The following CEP57L1 variants were observed in gnomAD, a reference collection of about 807,000 sequenced individuals.
CEP57L1 encodes the protein centrosomal protein CEP57L1.
A neutral mutation model predicts 61.0 loss-of-function variants in CEP57L1; 37 were observed. The ratio of observed to expected loss-of-function variants is 0.61; its 90% CI spans 0.47 to 0.80. The LOEUF (loss-of-function observed/expected upper bound fraction) is 0.80, where lower values mean the gene tolerates loss of function less well. Ranked by LOEUF, CEP57L1 falls within the 30% of genes least tolerant of loss-of-function variation. The pLI is 0.00. For missense variants in CEP57L1, 422 were observed against 524.7 expected (o/e 0.80, Z 1.91); for synonymous variants, 137 against 162.3 (o/e 0.84, Z 1.19).
Position 109,105,744 on chromosome 6 carries a change from T to A in CEP57L1, c.-4+10169T>A, listed in dbSNP as rs184392995. Among the ~76,000 whole-genome samples the A allele has an allele frequency of 6.0e-3, 908 of 152,340 alleles. 5 individuals carry two copies. The highest frequency in any genetic ancestry group is 0.011 in the Non-Finnish European group (723 of 68,026). ...CATTTTCTAGATAGATTATCTAGAT[T>A]AGGGATCCCCAACCCTCGGGCCATG... On this transcript the variant is annotated intron_variant, in intron 1 of 10. Coordinates refer to ENST00000517392, the MANE Select transcript of CEP57L1 (RefSeq NM_001271852.3).
intron 1 of CEP57L1, among the ~76,000 whole-genome samples, chr6:109,115,364 C>G (rs1317262112): frequency 6.6e-6 from 1 of 151,744 alleles, no homozygotes; most frequent in African/African-American, 2.4e-5. Flanking sequence ...GAAAACAATT[C>G]TAGTAGTTGT....
In CEP57L1 at chr6:109,166,177, A is replaced by T. The variant is rs1053843233; in HGVS notation, c.*3207A>T. ...ACAGGAGGGTCAGAGGGAAATGTTCAGTTTTCAACAATGTAAGATTAAAGT... is the reference window on the plus strand; with the variant it reads ...ACAGGAGGGTCAGAGGGAAATGTTCTGTTTTCAACAATGTAAGATTAAAGT... On this transcript the variant is annotated 3_prime_UTR_variant, in exon 11 of 11. Coordinates refer to ENST00000517392, the MANE Select transcript of CEP57L1 (RefSeq NM_001271852.3). Among the ~76,000 whole-genome samples, 1 of 152,190 alleles carries T rather than the reference A, an allele frequency of 6.6e-6. No homozygotes were observed. Among genetic ancestry groups the T allele is most frequent in the African/African-American group, 2.4e-5 (1 of 41,446 alleles).
At chr6:109,162,498 A>G (rs1366795787) in intron 10 of CEP57L1, among the ~76,000 whole-genome samples, 3 of 152,010 alleles carry the variant, frequency 2.0e-5, no homozygotes, top group African/African-American at 7.2e-5. Flanking sequence ...GTTGTCACAT[A>G]TGTGCTTTTT....
rs1773869970 is a variant in CEP57L1, at chr6:109,163,145, A to T, written c.*175A>T. ...CTAATGACCTGGTGGGTTCCAAATA[A>T]TAAATTAATTGCTTTTTTATTTTTC... On this transcript the variant is annotated 3_prime_UTR_variant, in exon 11 of 11. Transcript: ENST00000517392. 3.9e-6 allele frequency: 2 copies of T among 515,580 alleles called. No individual in the cohort carries two copies. The highest frequency in any genetic ancestry group is 6.8e-6 in the Non-Finnish European group (2 of 292,436). The allele number at this position is 515,580 out of a possible 1,614,324, so 31.9% of individuals were successfully genotyped here. A position where few individuals can be genotyped will look rare whatever the true frequency, so the allele number is the denominator to read the frequency against.
chr6:109,129,330 G>T (rs916710015), intron 1 of CEP57L1: 8 of 1,117,694 alleles, frequency 7.2e-6, no homozygotes, highest in South Asian at 4.0e-5. Flanking sequence ...TCTTCACTTG[G>T]ATATAATAAT....
At chr6:109,116,076 C>T (rs1583427162) in intron 1 of CEP57L1, among the ~76,000 whole-genome samples, 1 of 147,998 alleles carries the variant, frequency 6.8e-6, no homozygotes, top group South Asian at 2.1e-4. Context: ...TATTTCCTCC[C>T]TATTAAGCAT....
rs1387592336 is a variant in CEP57L1, at chr6:109,137,829, A to G, written c.-3-7390A>G. 6.6e-5 allele frequency among the ~76,000 whole-genome samples: 10 copies of G among 152,248 alleles called. No homozygotes were observed. In the East Asian group the frequency reaches 1.9e-3, roughly 29 times the overall value. ...CAGTGAGAAGACAAATAACAAAACAATTCTGCATTCAATGGAGAAAATGCA... is the reference window on the plus strand; with the variant it reads ...CAGTGAGAAGACAAATAACAAAACAGTTCTGCATTCAATGGAGAAAATGCA... On this transcript the variant is annotated intron_variant, in intron 1 of 10. Coordinates refer to ENST00000517392, the MANE Select transcript of CEP57L1 (RefSeq NM_001271852.3).
intron 1 of CEP57L1, among the ~76,000 whole-genome samples, chr6:109,100,962 C>T (rs1188713428): frequency 6.6e-6 from 1 of 152,004 alleles, no homozygotes; most frequent in African/African-American, 2.4e-5. Context: ...CAAAAATTAG[C>T]CAGGCATCAT....
chr6:109,105,845 T>TC (rs1432054477), intron 1 of CEP57L1, among the ~76,000 whole-genome samples: 6 of 152,286 alleles, frequency 3.9e-5, no homozygotes, highest in Admixed American at 2.6e-4. Flanking sequence ...AAGTGAAGCT[T>TC]CATCTGTATT....
At chr6:109,128,696 C>T (rs1480873331) in intron 1 of CEP57L1, among the ~76,000 whole-genome samples, 1 of 152,182 alleles carries the variant, frequency 6.6e-6, no homozygotes, top group Non-Finnish European at 1.5e-5. Context: ...CTGTTTTTTA[C>T]TGCCAACATT....
At chr6:109,095,230 C>G, upstream of CEP57L1, 5 of 985,492 alleles carry the variant, frequency 5.1e-6, no homozygotes, top group Non-Finnish European at 6.0e-6. Flanking sequence ...TGGACTCTGT[C>G]CTGGAGAAGG....
intron 1 of CEP57L1, among the ~76,000 whole-genome samples, chr6:109,134,627 C>T (rs976638835): frequency 1.2e-4 from 18 of 152,160 alleles, no homozygotes; most frequent in Admixed American, 6.5e-5. Flanking sequence ...CAAATTGTCC[C>T]TGTTTGCAGA....
At chr6:109,117,496 A>T (rs983481763) in intron 1 of CEP57L1, among the ~76,000 whole-genome samples, 1 of 152,340 alleles carries the variant, frequency 6.6e-6, no homozygotes, top group South Asian at 2.1e-4. Context: ...CGAAAGCAAC[A>T]TTGGAGGGTT....
chr6:109,096,485 A>C (rs951042862), intron 1 of CEP57L1, among the ~76,000 whole-genome samples: 2 of 152,162 alleles, frequency 1.3e-5, no homozygotes, highest in Admixed American at 1.3e-4. Context: ...GCCCAGAGTG[A>C]GAGATAGGGT....
rs1489093199 is a variant in CEP57L1, at chr6:109,168,782, G to A, written c.*5812G>A. On this transcript the variant is annotated 3_prime_UTR_variant, in exon 11 of 11. Transcript: ENST00000517392. ...TGCTAATTTTTTGTATTTTAGTAGA[G>A]ATGGGGTTTCACTGTATTGCCCAGG... Among the ~76,000 whole-genome samples the A allele has an allele frequency of 6.6e-6, 1 of 151,242 alleles. No individual in the cohort carries two copies. Among genetic ancestry groups the A allele is most frequent in the Non-Finnish European group, 1.5e-5 (1 of 67,772 alleles).
At chr6:109,123,499 T>C (rs1301152671) in intron 1 of CEP57L1, among the ~76,000 whole-genome samples, 1 of 152,208 alleles carries the variant, frequency 6.6e-6, no homozygotes, top group Admixed American at 6.5e-5. Context: ...TGTAAACTTC[T>C]TTGACCAGTG....
intron 1 of CEP57L1, among the ~76,000 whole-genome samples, chr6:109,107,356 G>A (rs539458596): frequency 1.3e-5 from 2 of 151,938 alleles, no homozygotes; most frequent in African/African-American, 4.8e-5. Flanking sequence ...TTTGTGTGTA[G>A]GTTAGAGGAG....
chr6:109,154,884 G>A (rs962401622), intron 5 of CEP57L1, among the ~76,000 whole-genome samples: 2 of 151,854 alleles, frequency 1.3e-5, no homozygotes, highest in Middle Eastern at 3.2e-3. Flanking sequence ...TGAATGAAAC[G>A]TTGAGACCCA....
rs141073900 is a variant in CEP57L1, at chr6:109,155,659, G to A, written c.658-132G>A. 2.5e-3 allele frequency: 1,501 copies of A among 600,184 alleles called. 23 individuals carry two copies. In the African/African-American group the frequency reaches 0.026, roughly 10 times the overall value. The allele number at this position is 600,184 out of a possible 1,614,324, so 37.2% of individuals were successfully genotyped here. ...TAGTGACCTTCACATGTACAAAAAC[G>A]GTATCTTGGATTTTCTTTTCTTTTC... On this transcript the variant is annotated intron_variant, in intron 6 of 10. Coordinates refer to ENST00000517392, the MANE Select transcript of CEP57L1 (RefSeq NM_001271852.3).
Sources: gnomAD v4.1 joint callset for allele counts (sites outside exome capture counted in the v4.1 genomes callset) on GRCh38, gnomAD v4.1.1 for gene constraint, MANE v1.5 for transcripts, NCBI Gene and HGNC (gene_info 2026-07-23, HGNC 2026-07-21) for gene names.